Variants in PRH1 observed in about 807,000 individuals in gnomAD.
The protein encoded by PRH1 is salivary acidic proline-rich phosphoprotein 1/2.
A neutral mutation model predicts 7.9 loss-of-function variants in PRH1; 7 were observed. The ratio of observed to expected loss-of-function variants is 0.89; its 90% CI spans 0.50 to 1.67. PRH1 has a LOEUF of 1.67. Among genes scored for constraint, PRH1 ranks in the 40% most tolerant of loss-of-function variants. The pLI is 0.00. For synonymous variants in PRH1, 45 were observed against 80.8 expected (o/e 0.56, Z 2.38); for missense variants, 109 against 223.6 (o/e 0.49, Z 3.27).
At chr12:11,119,361 C>T (rs899708918), downstream of PRH1, among the ~76,000 whole-genome samples, 2 of 150,612 alleles carry the variant, frequency 1.3e-5, no homozygotes, top group Non-Finnish European at 3.0e-5. Flanking sequence ...CTATTTGATA[C>T]CACAGCAGAG....
intron 2 of PRH1, among the ~76,000 whole-genome samples, chr12:10,912,200 T>G (rs1369749918): frequency 6.6e-6 from 1 of 152,164 alleles, no homozygotes; most frequent in Non-Finnish European, 1.5e-5. Flanking sequence ...TTGGTTTATT[T>G]TGAGTTTGGA....
intron 1 of PRH1, among the ~76,000 whole-genome samples, chr12:11,090,354 T>G (rs1944838694): frequency 8.6e-6 from 1 of 116,858 alleles, no homozygotes; most frequent in East Asian, 2.1e-4. Context: ...TATCTGAAGT[T>G]TAGAAGGAAT....
chr12:11,146,868 G>T (rs1028314380), intron 1 of PRH1, among the ~76,000 whole-genome samples: 1 of 152,054 alleles, frequency 6.6e-6, no homozygotes, highest in African/African-American at 2.4e-5. Context: ...AATTACATGT[G>T]CACAAAAAGT....
intron 2 of PRH1, among the ~76,000 whole-genome samples, chr12:10,934,105 G>T (rs963910991): frequency 1.3e-5 from 2 of 152,076 alleles, no homozygotes; most frequent in African/African-American, 2.4e-5. Context: ...TATTCACAAA[G>T]GAACCAAAAG....
At chr12:11,169,727 T>G (rs1326173377) in intron 1 of PRH1, among the ~76,000 whole-genome samples, 1 of 152,170 alleles carries the variant, frequency 6.6e-6, no homozygotes, top group Non-Finnish European at 1.5e-5. Flanking sequence ...CTATATATCT[T>G]CTCCCAGTTC....
intron 1 of PRH1, chr12:11,030,877 T>C (rs745420826): frequency 1.9e-6 from 3 of 1,614,178 alleles, no homozygotes; most frequent in East Asian, 2.2e-5. Context: ...CTTTTGTCCG[T>C]ACAATCTCTT....
At chr12:11,031,688 G>A (rs1372256686) in intron 1 of PRH1, among the ~76,000 whole-genome samples, 2 of 152,142 alleles carry the variant, frequency 1.3e-5, no homozygotes, top group East Asian at 3.8e-4. Context: ...TTAGGATCCT[G>A]TTGCTTGGTG....
At chr12:10,890,146 T>G (rs1949549768) in intron 2 of PRH1, among the ~76,000 whole-genome samples, 1 of 152,148 alleles carries the variant, frequency 6.6e-6, no homozygotes, top group African/African-American at 2.4e-5. Flanking sequence ...AAGGGTAGGT[T>G]CGGACATTGG....
At chr12:10,980,237 C>T (rs558391060) in intron 1 of PRH1, among the ~76,000 whole-genome samples, 13 of 152,110 alleles carry the variant, frequency 8.5e-5, no homozygotes, top group Non-Finnish European at 1.6e-4. Flanking sequence ...ATGATTACTG[C>T]GATACTGAGA....
At chr12:10,964,538 T>A in intron 2 of PRH1, 1 of 299,964 alleles carries the variant, frequency 3.3e-6, no homozygotes. Flanking sequence ...AAATGAAGGG[T>A]ATATAATTGC....
intron 1 of PRH1, among the ~76,000 whole-genome samples, chr12:10,992,885 C>T (rs1026286100): frequency 3.3e-5 from 5 of 152,220 alleles, no homozygotes; most frequent in Admixed American, 2.6e-4. Flanking sequence ...TATTAAGGGA[C>T]ATTACTGTAA....
At chr12:11,093,583 A>G (rs1944996473) in intron 1 of PRH1, among the ~76,000 whole-genome samples, 1 of 115,624 alleles carries the variant, frequency 8.6e-6, no homozygotes, top group Non-Finnish European at 2.0e-5. Flanking sequence ...TCTCAAGTCT[A>G]ATGTTTAAAT....
At position 10,930,427 on chromosome 12, in the gene PRH1, A is replaced by G. The variant is rs1441557815; in HGVS notation, c.-59+43228T>C. The G allele has an allele frequency of 2.7e-6, 4 of 1,472,546 alleles. No homozygotes were observed. In the African/African-American group the frequency reaches 5.7e-5, roughly 21 times the overall value. 91.2% of individuals were successfully genotyped at this position (1,472,546 alleles called of 1,614,324 possible). ...GCTAATATCAGTGCCCCAGAGATAT[A>G]AACAGTTTTCTCCCAACCTTGATTC... On this transcript the variant is annotated intron_variant, in intron 2 of 3. Coordinates refer to the PRH1 transcript ENST00000539853.
chr12:11,055,371 A>G (rs75594828), intron 1 of PRH1, among the ~76,000 whole-genome samples: 10,902 of 87,058 alleles, frequency 0.13, no homozygotes, highest in Non-Finnish European at 0.16. Flanking sequence ...AATTTTTTTA[A>G]GGCAGGCCTA....
rs1452443483 is a variant in PRH1, at chr12:10,882,618, C to A, written c.181G>T (p.Gly61Cys). The change falls in exon 3 of 4, where the codon GGT (glycine) becomes TGT (cysteine). Residue 61 changes from glycine (G) to cysteine (C), a missense_variant. Around this residue, in one of 3 missense-constraint regions of PRH1, gnomAD observed 60 missense variants for 76.5 expected, o/e 0.78. Coordinates refer to ENST00000543626, the MANE Select transcript of PRH1 (RefSeq NM_001393989.1). ...LGGQQSQPSA[G>C]DGNQDDGPQQ... ...GGGCCATCATCCTGGTTCCCATCAC[C>A]AGCAGAGGGTTGAGATTGCTGTCCT... The A allele has an allele frequency of 1.2e-6, 2 of 1,611,360 alleles. No individual in the cohort carries two copies. Among genetic ancestry groups the A allele is most frequent in the East Asian group, 2.2e-5 (1 of 44,756 alleles).
At position 10,969,487 on chromosome 12, in the gene PRH1, GCTC is replaced by G. The variant is rs1821827616; in HGVS notation, c.-59+4165_-59+4167del. Among the ~76,000 whole-genome samples, 3 of 152,234 alleles carry G rather than the reference GCTC, an allele frequency of 2.0e-5. No individual in the cohort carries two copies. In the South Asian group the frequency reaches 6.2e-4, roughly 32 times the overall value. Reference sequence around the variant, plus strand: ...TCTGTCTAGAATTTCCCAGCCTCCTGCTCCTATCACCTTCACATAGTATTTCAT... The same window carrying G: ...TCTGTCTAGAATTTCCCAGCCTCCTGCTATCACCTTCACATAGTATTTCAT... On this transcript the variant is annotated intron_variant, in intron 2 of 3. Transcript: ENST00000539853.
At position 11,091,857 on chromosome 12, in the gene PRH1, C is replaced by T; in HGVS notation, n.124-44669G>A. The T allele has an allele frequency of 8.4e-6, 12 of 1,430,646 alleles. 1 individual carries two copies. The highest frequency in any genetic ancestry group is 1.1e-5 in the Non-Finnish European group (11 of 1,022,946). 88.6% of individuals were successfully genotyped at this position (1,430,646 alleles called of 1,614,324 possible). A position where few individuals can be genotyped will look rare whatever the true frequency, so the allele number is the denominator to read the frequency against. ...AACATCACCAGAATGACACTCTTAA[C>T]TCTCCTCTTTAAGTGAAGAAAAATA... is the stretch of plus-strand genomic sequence containing the variant. On this transcript the variant is annotated intron_variant and non_coding_transcript_variant, in intron 1 of 4. Transcript: ENST00000541977.
At chr12:11,040,612 T>C (rs986154722) in intron 1 of PRH1, among the ~76,000 whole-genome samples, 5 of 152,178 alleles carry the variant, frequency 3.3e-5, no homozygotes, top group Admixed American at 1.3e-4. Flanking sequence ...CTAATGTAGA[T>C]GACGGGTTGA....
intron 2 of PRH1, among the ~76,000 whole-genome samples, chr12:10,960,338 T>C (rs1938180392): frequency 6.6e-6 from 1 of 152,240 alleles, no homozygotes; most frequent in Non-Finnish European, 1.5e-5. Context: ...TAGTACATTT[T>C]ATATCCCTAT....
Sources: allele counts gnomAD v4.1 joint callset (sites outside exome capture counted in the v4.1 genomes callset), GRCh38; gene constraint gnomAD v4.1.1; regional missense constraint gnomAD v4.1.1; transcripts MANE v1.5; gene names NCBI Gene and HGNC (gene_info 2026-07-23, HGNC 2026-07-21).